The following HERC3 variants were observed in gnomAD, a reference collection of about 807,000 sequenced individuals.
HERC3 encodes the protein probable E3 ubiquitin-protein ligase HERC3.
Under a neutral mutation model 129.9 loss-of-function variants are expected in HERC3, and 58 were observed. The observed-to-expected ratio is 0.45, with a 90% CI of 0.36 to 0.56. The LOEUF (loss-of-function observed/expected upper bound fraction) is 0.56, where lower values mean the gene tolerates loss of function less well. Among genes scored for constraint, HERC3 ranks in the 20% least tolerant of loss-of-function variants. The probability of loss-of-function intolerance (pLI) is 0.00; values close to 1 mark genes in which losing one functional copy is unlikely to be tolerated. For missense variants in HERC3, 835 were observed against 1,244.2 expected, an observed-to-expected ratio of 0.67 and a Z score of 4.95; for synonymous variants, 430 against 451.0, an observed-to-expected ratio of 0.95 and a Z score of 0.59.
At chr4:88,662,827 T>G (rs1485332630) in intron 11 of HERC3, among the ~76,000 whole-genome samples, 2 of 152,202 alleles carry the variant, frequency 1.3e-5, no homozygotes, top group African/African-American at 4.8e-5. Flanking sequence ...GATGAAGGCC[T>G]GAGTTGGTGA....
At chr4:88,608,454 C>T (rs1161094281) in intron 3 of HERC3, among the ~76,000 whole-genome samples, 2 of 152,182 alleles carry the variant, frequency 1.3e-5, no homozygotes, top group African/African-American at 4.8e-5. Flanking sequence ...ATTCCATGTA[C>T]AGTGCACTCA....
chr4:88,542,454 C>G, the HERC3 span, among the ~76,000 whole-genome samples: 5 of 152,116 alleles, frequency 3.3e-5, no homozygotes, highest in East Asian at 9.6e-4. Flanking sequence ...TAATTAATAA[C>G]AACCAAAAAA....
chr4:88,684,526 G>T (rs1479903286), intron 21 of HERC3, among the ~76,000 whole-genome samples: 1 of 152,138 alleles, frequency 6.6e-6, no homozygotes, highest in African/African-American at 2.4e-5. Context: ...AACCCTAGAA[G>T]AAAATCTAGG....
chr4:88,535,618 C>T, the HERC3 span, among the ~76,000 whole-genome samples: 1 of 152,138 alleles, frequency 6.6e-6, no homozygotes, highest in Admixed American at 6.6e-5. Context: ...TTTCACCTCC[C>T]ACATCCAATC....
Position 88,687,215 on chromosome 4 carries a change from A to G in HERC3, c.2575-2A>G. 6.2e-7 allele frequency: 1 copy of G among 1,605,650 alleles called. No individual in the cohort carries two copies. The highest frequency in any genetic ancestry group is 8.5e-7 in the Non-Finnish European group (1 of 1,174,086). On this transcript the variant is annotated splice_acceptor_variant, in intron 22 of 25. Coordinates refer to ENST00000402738, the MANE Select transcript of HERC3 (RefSeq NM_014606.3). LOFTEE classifies it high-confidence loss of function. ...TATTTCTTTTTTCCACCTTAAATATAGATCTGCCGAGAAAGCTATGGAGTG... is the reference window on the plus strand; with the variant it reads ...TATTTCTTTTTTCCACCTTAAATATGGATCTGCCGAGAAAGCTATGGAGTG...
chr4:88,527,374 C>G, the HERC3 span, among the ~76,000 whole-genome samples: 1 of 152,012 alleles, frequency 6.6e-6, no homozygotes, highest in African/African-American at 2.4e-5. Flanking sequence ...ACCTCAGCTT[C>G]CTGAGTAGCT....
chr4:88,647,421 G>C (rs538723943), intron 3 of HERC3, among the ~76,000 whole-genome samples: 1 of 152,192 alleles, frequency 6.6e-6, no homozygotes, highest in Non-Finnish European at 1.5e-5. Flanking sequence ...CCCAGGTCTA[G>C]AGAACAGAAA....
At chr4:88,588,324 T>C (rs1309198888), upstream of HERC3, among the ~76,000 whole-genome samples, 1 of 152,238 alleles carries the variant, frequency 6.6e-6, no homozygotes, top group Non-Finnish European at 1.5e-5. Flanking sequence ...ATAATGTTTT[T>C]ATTCTAAGTT....
rs763882853 is a variant in HERC3, at chr4:88,697,469, C to T, written c.2658-6629C>T. Reference sequence around the variant, plus strand: ...GCCTGAAATTCCTTATCAAATTTGGCTTCTATCTTATCGCATCGCTTCTGC... The same window carrying T: ...GCCTGAAATTCCTTATCAAATTTGGTTTCTATCTTATCGCATCGCTTCTGC... On this transcript the variant is annotated intron_variant, in intron 23 of 25. Transcript: ENST00000402738. 18 of 1,614,134 alleles carry T rather than the reference C, an allele frequency of 1.1e-5. No individual in the cohort carries two copies. In the South Asian group the frequency reaches 2.0e-4, roughly 18 times the overall value.
At chr4:88,662,036 A>G (rs751474151) in intron 10 of HERC3, among the ~76,000 whole-genome samples, 22 of 152,198 alleles carry the variant, frequency 1.4e-4, no homozygotes, top group Non-Finnish European at 2.8e-4. Flanking sequence ...AAGAACATCT[A>G]CTGAGGGATG....
intron 3 of HERC3, among the ~76,000 whole-genome samples, chr4:88,609,857 A>G (rs900412817): frequency 6.6e-6 from 1 of 152,250 alleles, no homozygotes; most frequent in Non-Finnish European, 1.5e-5. Flanking sequence ...CCATAGACAG[A>G]GCCCTGAAGT....
intron 3 of HERC3, among the ~76,000 whole-genome samples, chr4:88,643,983 A>G (rs1294034044): frequency 6.6e-6 from 1 of 152,232 alleles, no homozygotes; most frequent in Non-Finnish European, 1.5e-5. Context: ...AACTTCGAAC[A>G]GACATTTATC....
chr4:88,566,483 T>C, the HERC3 span, among the ~76,000 whole-genome samples: 1 of 152,224 alleles, frequency 6.6e-6, no homozygotes, highest in Non-Finnish European at 1.5e-5. Flanking sequence ...GTTGTAGCTA[T>C]TTTTGATCAA....
At chr4:88,606,114 G>A in intron 3 of HERC3, 65 bp downstream of exon 3, 1 of 1,276,924 alleles carries the variant, frequency 7.8e-7, no homozygotes. Context: ...CAATGGCAGA[G>A]GGCCCAGATG....
At chr4:88,558,315 C>T in the HERC3 span, among the ~76,000 whole-genome samples, 1 of 152,150 alleles carries the variant, frequency 6.6e-6, no homozygotes. Context: ...GAATACTACT[C>T]AGCCACAAAA....
At chr4:88,625,447 A>G (rs779249538) in intron 3 of HERC3, among the ~76,000 whole-genome samples, 19 of 152,108 alleles carry the variant, frequency 1.2e-4, no homozygotes, top group Non-Finnish European at 2.4e-4. Context: ...TATGTTATAC[A>G]TGGTATTTTT....
intron 3 of HERC3, among the ~76,000 whole-genome samples, chr4:88,648,507 G>T (rs756483914): frequency 2.6e-5 from 4 of 152,084 alleles, no homozygotes; most frequent in Non-Finnish European, 5.9e-5. Flanking sequence ...AATTGTGAGG[G>T]CATCCCTCCA....
intron 3 of HERC3, among the ~76,000 whole-genome samples, chr4:88,629,798 C>A (rs1029532162): frequency 3.9e-5 from 6 of 151,976 alleles, no homozygotes; most frequent in African/African-American, 1.5e-4. Flanking sequence ...TATTTATTAC[C>A]AACAGTTTAA....
chr4:88,640,495 G>A (rs1488138881), intron 3 of HERC3, among the ~76,000 whole-genome samples: 2 of 152,154 alleles, frequency 1.3e-5, no homozygotes, highest in Non-Finnish European at 2.9e-5. Flanking sequence ...AACACCACAT[G>A]TTCTCACTCA....
Sources: allele counts gnomAD v4.1 joint callset (sites outside exome capture counted in the v4.1 genomes callset), GRCh38; gene constraint gnomAD v4.1.1; transcripts MANE v1.5; gene names NCBI Gene and HGNC (gene_info 2026-07-23, HGNC 2026-07-21).